Variants in PAK5 observed in about 807,000 individuals in gnomAD.
The protein encoded by PAK5 is p21 (RAC1) activated kinase 5.
Under a neutral mutation model 65.9 loss-of-function variants are expected in PAK5, and 16 were observed. The observed-to-expected ratio is 0.24, with a 90% CI of 0.16 to 0.37. PAK5 has a LOEUF of 0.37. Among genes scored for constraint, PAK5 ranks in the 10% least tolerant of loss-of-function variants. The probability of loss-of-function intolerance (pLI) is 1.00; values close to 1 mark genes in which losing one functional copy is unlikely to be tolerated. For missense variants in PAK5, 785 were observed against 903.9 expected (o/e 0.87, Z 1.69); for synonymous variants, 371 against 354.9 (o/e 1.05, Z -0.51).
chr20:9,559,996 A>C (rs1250932030), intron 6 of PAK5, among the ~76,000 whole-genome samples: 3 of 152,200 alleles, frequency 2.0e-5, no homozygotes, highest in Non-Finnish European at 4.4e-5. Context: ...TATACCTTCA[A>C]ATTAATTCAG....
intron 5 of PAK5, among the ~76,000 whole-genome samples, chr20:9,565,051 C>T (rs1390122136): frequency 6.6e-6 from 1 of 151,584 alleles, no homozygotes; most frequent in Non-Finnish European, 1.5e-5. Context: ...AAATTTGATA[C>T]ATGTATATGA....
chr20:9,616,958 A>G (rs1386613488), intron 3 of PAK5, among the ~76,000 whole-genome samples: 1 of 152,220 alleles, frequency 6.6e-6, no homozygotes, highest in Non-Finnish European at 1.5e-5. Context: ...GTACAAAAAT[A>G]CGGATAATTG....
At chr20:9,666,800 T>C (rs1393588113) in intron 2 of PAK5, among the ~76,000 whole-genome samples, 4 of 152,184 alleles carry the variant, frequency 2.6e-5, no homozygotes, top group Admixed American at 6.5e-5. Flanking sequence ...CATAACTCTA[T>C]GAGATATGGA....
rs536375134 is a variant in PAK5, at chr20:9,714,983, G to A, written c.-161-3548C>T. On this transcript the variant is annotated intron_variant, in intron 1 of 9. Transcript: ENST00000353224. Reference sequence around the variant, plus strand: ...GCAATACCATTCAGGACATAGGCATGGGCAAGGACTTCATGTCTAAAACAC... The same window carrying A: ...GCAATACCATTCAGGACATAGGCATAGGCAAGGACTTCATGTCTAAAACAC... Among the ~76,000 whole-genome samples the A allele has an allele frequency of 2.0e-5, 3 of 152,254 alleles. No individual in the cohort carries two copies. The South Asian group carries it at 6.2e-4, about 32-fold the overall frequency.
chr20:9,815,577 A>G (rs1175747327), intron 1 of PAK5, among the ~76,000 whole-genome samples: 1 of 152,138 alleles, frequency 6.6e-6, no homozygotes, highest in African/African-American at 2.4e-5. Flanking sequence ...TCGTTCAGGT[A>G]TAATTTTGCA....
intron 3 of PAK5, among the ~76,000 whole-genome samples, chr20:9,603,592 G>A (rs536842827): frequency 1.2e-4 from 19 of 152,264 alleles, no homozygotes; most frequent in African/African-American, 2.9e-4. Context: ...CAACTGGTAC[G>A]TTAGTTAAGC....
intron 3 of PAK5, among the ~76,000 whole-genome samples, chr20:9,618,170 G>A (rs922081351): frequency 2.2e-4 from 33 of 151,998 alleles, no homozygotes; most frequent in African/African-American, 6.8e-4. Flanking sequence ...AGCGCTGGGC[G>A]ACACTATCAA....
intron 4 of PAK5, among the ~76,000 whole-genome samples, chr20:9,572,968 T>C (rs1321547235): frequency 6.6e-6 from 1 of 152,238 alleles, no homozygotes; most frequent in African/African-American, 2.4e-5. Context: ...GCTGCTAAAC[T>C]GCTTAGCTGC....
intron 2 of PAK5, among the ~76,000 whole-genome samples, chr20:9,652,540 A>G (rs556132911): frequency 4.6e-5 from 7 of 152,210 alleles, no homozygotes; most frequent in Non-Finnish European, 1.0e-4. Flanking sequence ...GACAGTCACT[A>G]TGTTCCACTG....
intron 3 of PAK5, among the ~76,000 whole-genome samples, chr20:9,583,422 A>G (rs1159897171): frequency 6.6e-6 from 1 of 152,248 alleles, no homozygotes; most frequent in African/African-American, 2.4e-5. Flanking sequence ...TGTCAACTCA[A>G]GTACCATGTT....
At chr20:9,751,376 G>C (rs1306579457) in intron 1 of PAK5, among the ~76,000 whole-genome samples, 1 of 151,946 alleles carries the variant, frequency 6.6e-6, no homozygotes, top group Non-Finnish European at 1.5e-5. Context: ...CAATACAACT[G>C]TCTTTGAAAC....
rs557587939 is a variant in PAK5, at chr20:9,587,093, C to A, written c.205-6163G>T. ...AACTTGGCATGATTCCTGACGTATA[C>A]AAAGTACTTATAAGTGCTAGTTACT... On this transcript the variant is annotated intron_variant, in intron 3 of 9. Coordinates refer to ENST00000353224, the MANE Select transcript of PAK5 (RefSeq NM_177990.4). Among the ~76,000 whole-genome samples the A allele has an allele frequency of 2.0e-5, 3 of 152,100 alleles. No individual in the cohort carries two copies. The East Asian group carries it at 5.8e-4, about 29-fold the overall frequency.
chr20:9,655,260 T>C (rs1482499428), intron 2 of PAK5, among the ~76,000 whole-genome samples: 2 of 152,214 alleles, frequency 1.3e-5, no homozygotes, highest in African/African-American at 4.8e-5. Flanking sequence ...AAAAGAAGCA[T>C]ACAAAACAAA....
rs986574191 is a variant in PAK5, at chr20:9,788,542, A to G, written c.-162+50220T>C. On this transcript the variant is annotated intron_variant, in intron 1 of 9. Transcript: ENST00000353224. ...AGAACTGGAAGGTAAAATCTCTTCT[A>G]TAAAAGGTATTGTTTGGCAGATGAA... is the stretch of plus-strand genomic sequence containing the variant. Among the ~76,000 whole-genome samples the G allele has an allele frequency of 2.0e-5, 3 of 152,110 alleles. No individual in the cohort carries two copies. In the South Asian group the frequency reaches 6.2e-4, roughly 31 times the overall value.
intron 2 of PAK5, among the ~76,000 whole-genome samples, chr20:9,706,787 T>C (rs1242093336): frequency 2.0e-5 from 3 of 151,840 alleles, no homozygotes; most frequent in African/African-American, 7.3e-5. Flanking sequence ...GGATTACAGG[T>C]GTCAGTCACC....
At position 9,560,465 on chromosome 20, in the gene PAK5, T is replaced by A. The variant is rs573877444; in HGVS notation, c.1616+2426A>T. 5.9e-5 allele frequency among the ~76,000 whole-genome samples: 9 copies of A among 152,262 alleles called. No homozygotes were observed. In the South Asian group the frequency reaches 1.9e-3, roughly 32 times the overall value. On this transcript the variant is annotated intron_variant, in intron 6 of 9. Transcript: ENST00000353224. The stretch of plus-strand genomic sequence containing the variant: ...GCCTTGAACTTCTGGGCTCAAGTGA[T>A]CCTCCTGTCTTAGCCTCTCGAGTAG...
chr20:9,583,162 T>C (rs1178110216), intron 3 of PAK5, among the ~76,000 whole-genome samples: 2 of 152,200 alleles, frequency 1.3e-5, no homozygotes, highest in East Asian at 3.9e-4. Context: ...GACTAACTCA[T>C]GAACACACTC....
chr20:9,824,607 G>A (rs2049462691), intron 1 of PAK5, among the ~76,000 whole-genome samples: 1 of 152,018 alleles, frequency 6.6e-6, no homozygotes, highest in African/African-American at 2.4e-5. Context: ...CTGGGATGCT[G>A]TCCCATGTGT....
At chr20:9,564,204 A>G (rs191657195) in intron 5 of PAK5, among the ~76,000 whole-genome samples, 95 of 152,300 alleles carry the variant, frequency 6.2e-4, no homozygotes, top group Middle Eastern at 3.4e-3. Flanking sequence ...TATTACTCCA[A>G]AATACTTTAT....
Sources: gnomAD v4.1 joint callset for allele counts (sites outside exome capture counted in the v4.1 genomes callset) on GRCh38, gnomAD v4.1.1 for gene constraint, MANE v1.5 for transcripts, NCBI Gene and HGNC (gene_info 2026-07-23, HGNC 2026-07-21) for gene names.